The following MCC variants were observed in gnomAD, a reference collection of about 807,000 sequenced individuals.
The protein encoded by MCC is colorectal mutant cancer protein.
A neutral mutation model predicts 116.2 loss-of-function variants in MCC; 90 were observed. The ratio of observed to expected loss-of-function variants is 0.77; its 90% CI spans 0.65 to 0.92. The LOEUF (loss-of-function observed/expected upper bound fraction) is 0.92, where lower values mean the gene tolerates loss of function less well. MCC is among the 40% of genes least tolerant of loss of function. MCC has a pLI of 0.00. For synonymous variants in MCC, 578 were observed against 510.5 expected (o/e 1.13, Z -1.78); for missense variants, 1,516 against 1,312.2 (o/e 1.16, Z -2.40).
chr5:113,083,268 A>G (rs72803229), intron 10 of MCC, among the ~76,000 whole-genome samples: 20,746 of 151,776 alleles, frequency 0.14, 1,592 homozygotes, highest in South Asian at 0.21. Flanking sequence ...CAGGATGGGG[A>G]GATCATGCCT....
chr5:113,229,986 G>C (rs1224443925), intron 3 of MCC, among the ~76,000 whole-genome samples: 1 of 152,172 alleles, frequency 6.6e-6, no homozygotes, highest in African/African-American at 2.4e-5. Flanking sequence ...CATATATGCC[G>C]CATTTCTGCT....
chr5:113,218,449 C>T (rs1194285679), intron 3 of MCC, among the ~76,000 whole-genome samples: 2 of 152,028 alleles, frequency 1.3e-5, no homozygotes, highest in East Asian at 1.9e-4. Flanking sequence ...CATTACCGCC[C>T]GCTCAACCAG....
chr5:113,463,777 A>G (rs1771819295), intron 1 of MCC, among the ~76,000 whole-genome samples: 1 of 152,248 alleles, frequency 6.6e-6, no homozygotes, highest in Admixed American at 6.5e-5. Flanking sequence ...TCACATACAA[A>G]GAGAACTGAA....
intron 1 of MCC, among the ~76,000 whole-genome samples, chr5:113,447,132 C>A (rs11960559): frequency 0.12 from 17,497 of 152,010 alleles, 1,737 homozygotes; most frequent in African/African-American, 0.27. Flanking sequence ...TCTCTGGGCA[C>A]CTTTGTCTAA....
intron 3 of MCC, among the ~76,000 whole-genome samples, chr5:113,300,625 G>C (rs1008543110): frequency 7.2e-5 from 11 of 152,064 alleles, no homozygotes; most frequent in Non-Finnish European, 1.6e-4. Context: ...GAGTCCTTGA[G>C]GATCATAAAA....
chr5:113,051,717 C>T (rs1752501076), intron 15 of MCC, among the ~76,000 whole-genome samples: 1 of 142,374 alleles, frequency 7.0e-6, no homozygotes, highest in Non-Finnish European at 1.6e-5. Flanking sequence ...CAGTGAGACC[C>T]TGTTTCAAAA....
chr5:113,434,259 G>C lies in MCC; in HGVS notation c.171-49047C>G, dbSNP rs368448367. 10 of 1,613,992 alleles carry C rather than the reference G, an allele frequency of 6.2e-6. No individual in the cohort carries two copies. The highest frequency in any genetic ancestry group is 2.2e-5 in the East Asian group (1 of 44,886). ...TAGGCTCCAGATGTCGTACACCTTG[G>C]GCTGGTAGGGAATGCCCTGCAGCAC... On this transcript the variant is annotated intron_variant, in intron 1 of 18. Coordinates refer to ENST00000408903, the MANE Select transcript of MCC (RefSeq NM_001085377.2). The surrounding 1 kb of genome is among the most constrained non-coding windows in gnomAD (Gnocchi z 4.2).
chr5:113,252,211 C>T (rs1185080835), intron 3 of MCC, among the ~76,000 whole-genome samples: 1 of 151,916 alleles, frequency 6.6e-6, no homozygotes, highest in Admixed American at 6.6e-5. Flanking sequence ...GTAGAGCCTC[C>T]CCATTGCCTA....
chr5:113,199,993 CGTGT>C (rs138134279), intron 3 of MCC, among the ~76,000 whole-genome samples: 26,923 of 152,002 alleles, frequency 0.18, 2,454 homozygotes, highest in African/African-American at 0.22. Flanking sequence ...TTTTAGGAAC[CGTGT>C]GTGAGACACT....
chr5:113,362,615 T>C (rs914740809), intron 2 of MCC, among the ~76,000 whole-genome samples: 5 of 152,192 alleles, frequency 3.3e-5, no homozygotes, highest in Non-Finnish European at 7.3e-5. Context: ...TATTTTTTTA[T>C]AGGTGTCAAT....
In MCC at chr5:113,095,880, C is replaced by G. The variant is rs142307243; in HGVS notation, c.1398+5859G>C. 1.9e-4 allele frequency among the ~76,000 whole-genome samples: 29 copies of G among 152,064 alleles called. No individual in the cohort carries two copies. The East Asian group carries it at 4.8e-3, about 25-fold the overall frequency. ...AATACTATCAATATTATTAACAGAG[C>G]CTTTCTTAAAAATAAGCCCTACTGA... On this transcript the variant is annotated intron_variant, in intron 8 of 18. Coordinates refer to ENST00000408903, the MANE Select transcript of MCC (RefSeq NM_001085377.2).
At chr5:113,435,334 G>A (rs1298764917) in intron 1 of MCC, among the ~76,000 whole-genome samples, 1 of 150,384 alleles carries the variant, frequency 6.6e-6, no homozygotes, top group Non-Finnish European at 1.5e-5. Flanking sequence ...GAACCCTGAG[G>A]GTCACACAAT....
Position 113,135,711 on chromosome 5 carries a change from A to G in MCC, c.884+7507T>C, listed in dbSNP as rs1382953998. Among the ~76,000 whole-genome samples the G allele has an allele frequency of 2.6e-5, 4 of 152,040 alleles. No homozygotes were observed. The East Asian group carries it at 7.7e-4, about 29-fold the overall frequency. ...CACCTAGATACGTAACCTACCTACT[A>G]AATTATGAGTTTCACCAATACCAAC... is the stretch of plus-strand genomic sequence containing the variant. On this transcript the variant is annotated intron_variant, in intron 5 of 18. Transcript: ENST00000408903.
intron 1 of MCC, among the ~76,000 whole-genome samples, chr5:113,463,426 G>T (rs368755687): frequency 7.4e-4 from 113 of 152,280 alleles, no homozygotes; most frequent in African/African-American, 2.6e-3. Context: ...TAAGGGAGAT[G>T]GAAAGAAGTA....
At chr5:113,085,604 T>C (rs181588092) in intron 8 of MCC, among the ~76,000 whole-genome samples, 172 of 152,342 alleles carry the variant, frequency 1.1e-3, no homozygotes, top group African/African-American at 4.0e-3. Context: ...TAACGGAATC[T>C]GCCACAGACC....
intron 6 of MCC, among the ~76,000 whole-genome samples, chr5:113,112,877 T>A (rs564131495): frequency 6.6e-6 from 1 of 152,268 alleles, no homozygotes; most frequent in African/African-American, 2.4e-5. Flanking sequence ...GTTAATCCAG[T>A]GTCAAATTTA....
rs1415991346 is a variant in MCC, at chr5:113,338,231, G to A, written c.627+2288C>T. On this transcript the variant is annotated intron_variant, in intron 3 of 18. Coordinates refer to ENST00000408903, the MANE Select transcript of MCC (RefSeq NM_001085377.2). ...ATGGTTCAGTTCTTGCCAAGGGATC[G>A]CCTTAAGTGAGTGTGCAGAGGAAAT... is the stretch of plus-strand genomic sequence containing the variant. Among the ~76,000 whole-genome samples the A allele has an allele frequency of 2.6e-5, 4 of 152,188 alleles. No homozygotes were observed. In the East Asian group the frequency reaches 5.8e-4, roughly 22 times the overall value.
intron 4 of MCC, among the ~76,000 whole-genome samples, chr5:113,145,499 A>T (rs752847347): frequency 3.3e-4 from 50 of 152,124 alleles, no homozygotes; most frequent in Non-Finnish European, 6.6e-4. Context: ...ACAGGTCAAC[A>T]GGCCACTACC....
intron 17 of MCC, among the ~76,000 whole-genome samples, chr5:113,034,807 T>TA (rs1561736947): frequency 2.6e-5 from 4 of 152,230 alleles, no homozygotes; most frequent in Admixed American, 2.0e-4. Context: ...GTCCTTTTCT[T>TA]ACCTGCCCGC....
Sources: allele counts gnomAD v4.1 joint callset (sites outside exome capture counted in the v4.1 genomes callset), GRCh38; gene constraint gnomAD v4.1.1; non-coding constraint Gnocchi (gnomAD v3.1); transcripts MANE v1.5; gene names NCBI Gene and HGNC (gene_info 2026-07-23, HGNC 2026-07-21).